The following HERC3 variants were observed in gnomAD, a reference collection of about 807,000 sequenced individuals.
HERC3 encodes probable E3 ubiquitin-protein ligase HERC3.
A neutral mutation model predicts 129.9 loss-of-function variants in HERC3; 58 were observed. The ratio of observed to expected loss-of-function variants is 0.45; its 90% CI spans 0.36 to 0.56. The LOEUF (loss-of-function observed/expected upper bound fraction) is 0.56. Ranked by LOEUF, HERC3 falls within the 20% of genes least tolerant of loss-of-function variation. HERC3 has a pLI of 0.00. For missense variants in HERC3, 835 were observed against 1,244.2 expected, an observed-to-expected ratio of 0.67 and a Z score of 4.95; for synonymous variants, 430 against 451.0, an observed-to-expected ratio of 0.95 and a Z score of 0.59.
chr4:88,558,071 C>CAAAAAAAAA, the HERC3 span, among the ~76,000 whole-genome samples: 130 of 39,016 alleles, frequency 3.3e-3, no homozygotes, highest in South Asian at 4.6e-3. Context: ...GACTCTGACT[C>CAAAAAAAAA]AAAAAAAAAA....
chr4:88,610,076 G>A (rs1724124614), intron 3 of HERC3, among the ~76,000 whole-genome samples: 1 of 152,094 alleles, frequency 6.6e-6, no homozygotes, highest in Non-Finnish European at 1.5e-5. Flanking sequence ...GTTTTGGCTG[G>A]CCCCTTTACT....
chr4:88,699,347 C>T (rs1257338121), intron 23 of HERC3, among the ~76,000 whole-genome samples: 1 of 47,030 alleles, frequency 2.1e-5, no homozygotes, highest in Non-Finnish European at 3.3e-5. Context: ...GCCCCACCCT[C>T]TTCTTCCCCA....
Position 88,667,384 on chromosome 4 carries a change from G to A in HERC3, c.1339G>A (p.Glu447Lys). The A allele has an allele frequency of 6.3e-7, 1 of 1,582,502 alleles. No individual in the cohort carries two copies. Among genetic ancestry groups the A allele is most frequent in the Non-Finnish European group, 8.6e-7 (1 of 1,160,244 alleles). ...NGSFLEKKID[E>K]HFKTSPKIPG... ...TTGATTTTGTTTGTTTAGAATTGAT[G>A]AACATTTTAAAACGAGTCCCAAAAT... The change falls in exon 13 of 26, where the codon GAA (glutamate) becomes AAA (lysine). Residue 447 changes from glutamate to lysine, a missense_variant. Glu to Lys is a moderately conservative substitution (Grantham distance 56, BLOSUM62 1). Coordinates refer to ENST00000402738, the MANE Select transcript of HERC3 (RefSeq NM_014606.3).
intron 12 of HERC3, among the ~76,000 whole-genome samples, chr4:88,665,977 G>GT (rs1390520372): frequency 6.6e-6 from 1 of 152,202 alleles, no homozygotes; most frequent in Non-Finnish European, 1.5e-5. Context: ...GTACAATGGG[G>GT]AGGGACTTGC....
chr4:88,559,234 G>A, the HERC3 span, among the ~76,000 whole-genome samples: 3 of 152,080 alleles, frequency 2.0e-5, no homozygotes, highest in Admixed American at 2.0e-4. Flanking sequence ...AGGCATAAAT[G>A]GGTTAATGTA....
At chr4:88,629,450 T>C (rs548719575) in intron 3 of HERC3, among the ~76,000 whole-genome samples, 1 of 152,362 alleles carries the variant, frequency 6.6e-6, no homozygotes, top group African/African-American at 2.4e-5. Context: ...TACTGATCTG[T>C]ATCAACCTTT....
chr4:88,609,952 T>A (rs1724107654), intron 3 of HERC3, among the ~76,000 whole-genome samples: 1 of 152,188 alleles, frequency 6.6e-6, no homozygotes, highest in South Asian at 2.1e-4. Context: ...TTTTAGACCA[T>A]GTAGGGTAAC....
chr4:88,591,976 G>A (rs1315458095), upstream of HERC3, among the ~76,000 whole-genome samples: 3 of 151,882 alleles, frequency 2.0e-5, no homozygotes, highest in Non-Finnish European at 4.4e-5. Flanking sequence ...CTCCCACCGC[G>A]CAGCGCCGCG....
the HERC3 span, among the ~76,000 whole-genome samples, chr4:88,574,656 T>C: frequency 1.3e-5 from 2 of 152,342 alleles, no homozygotes; most frequent in South Asian, 2.1e-4. Context: ...TACGTTATAG[T>C]AGTGGAATCA....
intron 3 of HERC3, among the ~76,000 whole-genome samples, chr4:88,641,600 A>G (rs1241784822): frequency 2.6e-5 from 4 of 152,208 alleles, no homozygotes; most frequent in African/African-American, 9.7e-5. Context: ...AGTTCCCAGT[A>G]TCAGTGAAAC....
chr4:88,692,470 TA>T (rs888783055), intron 23 of HERC3, among the ~76,000 whole-genome samples: 8 of 152,210 alleles, frequency 5.3e-5, no homozygotes, highest in Non-Finnish European at 1.0e-4. Context: ...AACCTGAGAA[TA>T]AAACTCATGC....
intron 3 of HERC3, among the ~76,000 whole-genome samples, chr4:88,613,955 C>T (rs181927410): frequency 1.7e-4 from 21 of 126,350 alleles, no homozygotes; most frequent in African/African-American, 6.7e-4. Flanking sequence ...GATAATTGAT[C>T]GGAATTTTTT....
chr4:88,603,805 A>G (rs1378702249), intron 2 of HERC3, among the ~76,000 whole-genome samples: 2 of 152,174 alleles, frequency 1.3e-5, no homozygotes, highest in African/African-American at 4.8e-5. Context: ...TACCTTTCCC[A>G]TATTAAACTC....
chr4:88,651,019 C>T (rs1465920749), intron 4 of HERC3, among the ~76,000 whole-genome samples: 1 of 152,058 alleles, frequency 6.6e-6, no homozygotes, highest in African/African-American at 2.4e-5. Context: ...TGATTTAGGA[C>T]AGGTAATGTC....
At chr4:88,649,221 C>T (rs936700623) in intron 3 of HERC3, among the ~76,000 whole-genome samples, 2 of 151,940 alleles carry the variant, frequency 1.3e-5, no homozygotes, top group African/African-American at 4.8e-5. Flanking sequence ...GCTCACATGG[C>T]GTGTGTGATT....
chr4:88,523,970 C>G, the HERC3 span: 4 of 457,436 alleles, frequency 8.7e-6, no homozygotes, highest in Non-Finnish European at 1.5e-5. Flanking sequence ...ACAAACTAAA[C>G]CAGTGTTTAA....
At chr4:88,615,542 TTTTAA>T (rs1241496147) in intron 3 of HERC3, among the ~76,000 whole-genome samples, 4 of 152,150 alleles carry the variant, frequency 2.6e-5, no homozygotes, top group Admixed American at 2.6e-4. Context: ...TTGTGAATAA[TTTTAA>T]TTTAGAGTAT....
At chr4:88,646,398 C>T (rs1728694205) in intron 3 of HERC3, among the ~76,000 whole-genome samples, 2 of 152,332 alleles carry the variant, frequency 1.3e-5, no homozygotes, top group South Asian at 2.1e-4. Context: ...TCCACATTGG[C>T]CACTGTGCTG....
intron 10 of HERC3, 75 bp from the exon 11 acceptor site, chr4:88,662,356 A>AT: frequency 7.2e-7 from 1 of 1,398,218 alleles, no homozygotes; most frequent in Admixed American, 2.0e-5. Context: ...AATGGAGAAT[A>AT]TGTGGGAGAA....
Sources: gnomAD v4.1 joint callset for allele counts (sites outside exome capture counted in the v4.1 genomes callset) on GRCh38, gnomAD v4.1.1 for gene constraint, MANE v1.5 for transcripts, NCBI Gene and HGNC (gene_info 2026-07-23, HGNC 2026-07-21) for gene names.